Variants in ZNF521 observed in about 807,000 individuals in gnomAD.
ZNF521 encodes the protein LYST-interacting protein 3.
In ZNF521, 14 loss-of-function variants were observed where a neutral mutation model predicts 105.5. The ratio of observed to expected loss-of-function variants is 0.13; its 90% CI spans 0.09 to 0.21. The LOEUF (loss-of-function observed/expected upper bound fraction) is 0.21. ZNF521 is among the 10% of genes least tolerant of loss of function. ZNF521 has a pLI of 1.00. For synonymous variants in ZNF521, 635 were observed against 606.0 expected (o/e 1.05, Z -0.70); for missense variants, 1,233 against 1,629.7 (o/e 0.76, Z 4.19).
chr18:25,226,902 T>C lies in ZNF521; in HGVS notation c.1016A>G (p.Asn339Ser), dbSNP rs1420572810. The change falls in exon 4 of 8, where the codon AAT (asparagine) becomes AGT (serine). Residue 339 changes from asparagine (N) to serine (S), a missense_variant. Around this residue, in one of 6 missense-constraint regions of ZNF521, gnomAD observed 380 missense variants for 478.0 expected, o/e 0.80. Transcript: ENST00000361524. The surrounding 1 kb of genome is among the most constrained non-coding windows in gnomAD (Gnocchi z 4.1). ...MDSHQQPESC[N>S]HSNSPSLVTV... ...GACCAGGGAAGGGCTGTTGCTGTGA[T>C]TGCATGACTCCGGTTGCTGGTGACT... 11 of 1,613,732 alleles carry C rather than the reference T, an allele frequency of 6.8e-6. No homozygotes were observed. Among genetic ancestry groups the C allele is most frequent in the South Asian group, 1.1e-5 (1 of 91,036 alleles).
chr18:25,266,539 A>G (rs899373576), intron 3 of ZNF521, among the ~76,000 whole-genome samples: 1 of 152,134 alleles, frequency 6.6e-6, no homozygotes, highest in African/African-American at 2.4e-5. Context: ...TGCATTTCCA[A>G]CTGAGGTACC....
intron 5 of ZNF521, among the ~76,000 whole-genome samples, chr18:25,111,605 T>G (rs1241810536): frequency 1.3e-5 from 2 of 152,188 alleles, no homozygotes; most frequent in Non-Finnish European, 2.9e-5. Context: ...CCCTGGTCAG[T>G]CAGTGAACAA....
intron 7 of ZNF521, among the ~76,000 whole-genome samples, chr18:25,069,000 T>A (rs1486696953): frequency 1.3e-5 from 2 of 152,190 alleles, no homozygotes; most frequent in Admixed American, 6.5e-5. Flanking sequence ...TTAGAAGAAT[T>A]TCTTTGTGAA....
At chr18:25,203,162 A>G (rs1357790191) in intron 4 of ZNF521, among the ~76,000 whole-genome samples, 1 of 152,236 alleles carries the variant, frequency 6.6e-6, no homozygotes, top group Non-Finnish European at 1.5e-5. Context: ...GACATGGCAA[A>G]GCAGTTCAGA....
chr18:25,221,633 T>G (rs1175775594), intron 4 of ZNF521, among the ~76,000 whole-genome samples: 2 of 152,216 alleles, frequency 1.3e-5, no homozygotes, highest in Non-Finnish European at 2.9e-5. Context: ...ACCTAGGGCA[T>G]CTAAGTCAAT....
intron 7 of ZNF521, chr18:25,082,515 G>A (rs2033517979): frequency 4.5e-6 from 2 of 444,706 alleles, no homozygotes; most frequent in East Asian, 7.1e-5. Context: ...ACAGGGTTTT[G>A]AGTTTTATAT....
intron 3 of ZNF521, among the ~76,000 whole-genome samples, chr18:25,234,031 A>G (rs553305767): frequency 6.6e-6 from 1 of 152,360 alleles, no homozygotes; most frequent in South Asian, 2.1e-4. Context: ...CAGTTAAAGA[A>G]CAGTCATCCT....
At chr18:25,074,068 G>A (rs916680250) in intron 7 of ZNF521, among the ~76,000 whole-genome samples, 2 of 151,668 alleles carry the variant, frequency 1.3e-5, no homozygotes, top group African/African-American at 2.4e-5. Context: ...GTGCGCACGC[G>A]TGTGTGCGTG....
At chr18:25,229,568 A>C (rs1906404251) in intron 3 of ZNF521, among the ~76,000 whole-genome samples, 1 of 152,160 alleles carries the variant, frequency 6.6e-6, no homozygotes, top group Admixed American at 6.5e-5. Context: ...AAGCAAAAAA[A>C]CTCAATAATG....
chr18:25,340,104 C>G (rs1157851963), intron 2 of ZNF521, among the ~76,000 whole-genome samples: 1 of 152,170 alleles, frequency 6.6e-6, no homozygotes, highest in Non-Finnish European at 1.5e-5. Context: ...CGCCTGTGAT[C>G]CCAGCACTTT....
Position 25,196,223 on chromosome 18 carries a change from T to A in ZNF521, c.3574-979A>T, listed in dbSNP as rs544132635. Reference sequence around the variant, plus strand: ...AACCATTATGAAAATAATCCATTTTTAAAATTTCCCAAACATGAGAAAATT... The same window carrying A: ...AACCATTATGAAAATAATCCATTTTAAAAATTTCCCAAACATGAGAAAATT... On this transcript the variant is annotated intron_variant, in intron 4 of 7. Transcript: ENST00000361524. Among the ~76,000 whole-genome samples the A allele has an allele frequency of 1.7e-3, 256 of 151,860 alleles. 1 individual carries two copies. The highest frequency in any genetic ancestry group is 6.0e-3 in the African/African-American group (248 of 41,518).
chr18:25,147,865 T>C (rs957576434), intron 5 of ZNF521, among the ~76,000 whole-genome samples: 5 of 152,212 alleles, frequency 3.3e-5, no homozygotes, highest in Non-Finnish European at 7.3e-5. Flanking sequence ...GATCTTTTTA[T>C]TGCTTTATTC....
At chr18:25,217,263 G>A (rs1349816977) in intron 4 of ZNF521, among the ~76,000 whole-genome samples, 1 of 152,214 alleles carries the variant, frequency 6.6e-6, no homozygotes, top group South Asian at 2.1e-4. Context: ...GGAAGCTACT[G>A]CGGTATCCAG....
At chr18:25,212,592 T>C (rs1440820720) in intron 4 of ZNF521, among the ~76,000 whole-genome samples, 7 of 136,660 alleles carry the variant, frequency 5.1e-5, no homozygotes, top group Admixed American at 4.6e-4. Flanking sequence ...TTTTAAAACC[T>C]GTTGAAATTT....
At chr18:25,143,858 T>A (rs2034896358) in intron 5 of ZNF521, among the ~76,000 whole-genome samples, 1 of 152,162 alleles carries the variant, frequency 6.6e-6, no homozygotes, top group South Asian at 2.1e-4. Context: ...TACAATCAGT[T>A]ATACCAATAA....
chr18:25,224,253 T>C (rs1028578251), intron 4 of ZNF521, 92 bp downstream of exon 4: 9 of 1,203,796 alleles, frequency 7.5e-6, no homozygotes, highest in East Asian at 2.4e-5. Context: ...TTTTGGCCCA[T>C]GACAATAAAT....
intron 2 of ZNF521, among the ~76,000 whole-genome samples, chr18:25,327,830 ATTTT>A (rs1226459519): frequency 2.0e-5 from 3 of 151,986 alleles, no homozygotes; most frequent in African/African-American, 4.8e-5. Context: ...CTGCTGCCTC[ATTTT>A]TTTTATTACT....
At chr18:25,258,359 G>A (rs45499702) in intron 3 of ZNF521, among the ~76,000 whole-genome samples, 88 of 152,288 alleles carry the variant, frequency 5.8e-4, no homozygotes, top group Non-Finnish European at 9.0e-4. Context: ...ACAGTGATAG[G>A]ATTAGGCCCA....
At chr18:25,251,351 G>A (rs1351244535) in intron 3 of ZNF521, among the ~76,000 whole-genome samples, 1 of 151,976 alleles carries the variant, frequency 6.6e-6, no homozygotes, top group African/African-American at 2.4e-5. Context: ...AAACAACTTC[G>A]GTACTACAGC....
Sources: allele counts gnomAD v4.1 joint callset (sites outside exome capture counted in the v4.1 genomes callset), GRCh38; gene constraint gnomAD v4.1.1; regional missense constraint gnomAD v4.1.1; non-coding constraint Gnocchi (gnomAD v3.1); transcripts MANE v1.5; gene names NCBI Gene and HGNC (gene_info 2026-07-23, HGNC 2026-07-21).